KIAA1549: variants seen among roughly 807,000 people sequenced by gnomAD.
KIAA1549 encodes the protein UPF0606 protein KIAA1549.
Under a neutral mutation model 156.4 loss-of-function variants are expected in KIAA1549, and 70 were observed. The ratio of observed to expected loss-of-function variants is 0.45; its 90% confidence interval spans 0.37 to 0.55. The LOEUF is 0.55. KIAA1549 is among the 20% of genes least tolerant of loss of function. The pLI is 0.00. For missense variants in KIAA1549, 2,428 were observed against 2,540.9 expected, an observed-to-expected ratio of 0.96 and a Z score of 0.96; for synonymous variants, 1,103 against 1,066.4, an observed-to-expected ratio of 1.03 and a Z score of -0.67.
At chr7:138,896,583 T>G (rs1023975686) in intron 9 of KIAA1549, among the ~76,000 whole-genome samples, 21 of 151,444 alleles carry the variant, frequency 1.4e-4, no homozygotes, top group Non-Finnish European at 3.1e-4. Context: ...AGTTCTTTTG[T>G]GGGTGTGGTT....
intron 1 of KIAA1549, among the ~76,000 whole-genome samples, chr7:138,965,437 C>T (rs1813991202): frequency 1.3e-5 from 2 of 152,152 alleles, no homozygotes; most frequent in Non-Finnish European, 1.5e-5. Context: ...GCAATCCGCC[C>T]ACCTCAGCCT....
intron 13 of KIAA1549, 75 bp from the exon 14 acceptor site, chr7:138,869,836 CTTTA>C (rs1810875831): frequency 5.1e-6 from 5 of 989,038 alleles, no homozygotes; most frequent in Admixed American, 2.6e-5. Context: ...TTCGCAAAGT[CTTTA>C]TTTATTTTTA....
chr7:138,902,814 AAAAG>A (rs1053477951), intron 8 of KIAA1549, among the ~76,000 whole-genome samples: 4 of 152,148 alleles, frequency 2.6e-5, no homozygotes, highest in African/African-American at 9.7e-5. Context: ...GTCTCAAGAA[AAAAG>A]AAAGAAAGAA....
chr7:138,966,423 A>G (rs1167425881), intron 1 of KIAA1549, among the ~76,000 whole-genome samples: 1 of 152,100 alleles, frequency 6.6e-6, no homozygotes, highest in East Asian at 1.9e-4. Flanking sequence ...GGAGTTTATT[A>G]AGGAGTATTA....
chr7:138,879,436 A>AT, intron 12 of KIAA1549, 102 bp downstream of exon 12: 1 of 665,452 alleles, frequency 1.5e-6, no homozygotes, highest in Non-Finnish European at 2.5e-6. Context: ...CATTTCCCAG[A>AT]TTTCTTTTTT....
At chr7:138,869,875 A>T in intron 13 of KIAA1549, 114 bp from the exon 14 acceptor site, 5 of 782,204 alleles carry the variant, frequency 6.4e-6, no homozygotes, top group Non-Finnish European at 1.0e-5. Flanking sequence ...TTTGAGACAG[A>T]GTCTCACTCT....
chr7:138,869,475 C>A, intron 14 of KIAA1549, 63 bp downstream of exon 14: 2 of 1,310,472 alleles, frequency 1.5e-6, no homozygotes, highest in South Asian at 1.3e-5. Flanking sequence ...CTGTCCTGCT[C>A]CTGTGCCCCC....
rs1433583630 is a variant in KIAA1549 at position 138,897,889 on chromosome 7, T to C, written c.3847+1066A>G. Among the ~76,000 whole-genome samples, 19 of 64,028 alleles carry C rather than the reference T, an allele frequency of 3.0e-4. 1 individual carries two copies. The highest frequency in any genetic ancestry group is 4.4e-4 in the Admixed American group (2 of 4,518). 42.0% of individuals were successfully genotyped at this position (64,028 alleles called of 152,430 possible). ...GCCTGGGTGACAGAGCAAGACCCTTTCTCAAAAAAAAAAAAAAAAAAAAAA... is the reference window on the plus strand; with the variant it reads ...GCCTGGGTGACAGAGCAAGACCCTTCCTCAAAAAAAAAAAAAAAAAAAAAA... On this transcript the variant is annotated intron_variant, in intron 9 of 19. Coordinates refer to ENST00000422774, the MANE Select transcript of KIAA1549 (RefSeq NM_001164665.2).
At chr7:138,913,256 C>T (rs926375811) in intron 2 of KIAA1549, among the ~76,000 whole-genome samples, 2 of 152,132 alleles carry the variant, frequency 1.3e-5, no homozygotes, top group African/African-American at 4.8e-5. Flanking sequence ...GTCTCCTACC[C>T]CAATGTTTCA....
At chr7:138,941,475 G>A (rs1385482353) in intron 1 of KIAA1549, among the ~76,000 whole-genome samples, 1 of 152,206 alleles carries the variant, frequency 6.6e-6, no homozygotes, top group African/African-American at 2.4e-5. Context: ...CTTAAGACAC[G>A]ATGGTTAAAC....
chr7:138,882,634 T>A (rs977198089), intron 10 of KIAA1549, among the ~76,000 whole-genome samples: 1 of 152,098 alleles, frequency 6.6e-6, no homozygotes, highest in Non-Finnish European at 1.5e-5. Flanking sequence ...TCTAATAGTT[T>A]GGGGCTAAGA....
intron 12 of KIAA1549, among the ~76,000 whole-genome samples, chr7:138,878,960 G>A (rs769932188): frequency 1.3e-5 from 2 of 151,998 alleles, no homozygotes; most frequent in Non-Finnish European, 2.9e-5. Context: ...AGACTTGTGG[G>A]TCTCACTTTA....
chr7:138,890,110 C>T (rs1306901156), intron 10 of KIAA1549, among the ~76,000 whole-genome samples: 1 of 152,178 alleles, frequency 6.6e-6, no homozygotes, highest in Non-Finnish European at 1.5e-5. Context: ...TTTAACATAT[C>T]ACAGAGGGAA....
chr7:138,883,076 A>AC (rs1271149461), intron 10 of KIAA1549, among the ~76,000 whole-genome samples: 2 of 127,988 alleles, frequency 1.6e-5, no homozygotes, highest in African/African-American at 6.2e-5. Flanking sequence ...ACATGGTGAA[A>AC]CCCCATCTCC....
rs80263035 is a variant in KIAA1549 at position 138,974,045 on chromosome 7, G to C, written c.187+7038C>G. On this transcript the variant is annotated intron_variant, in intron 1 of 19. Coordinates refer to ENST00000422774, the MANE Select transcript of KIAA1549 (RefSeq NM_001164665.2). ...TTAACAGCAGTGGAGCACGAGCACT[G>C]ACAGTCGGAAAGGGAGCTATTCTAA... Among the ~76,000 whole-genome samples the C allele has an allele frequency of 3.7e-3, 559 of 152,356 alleles. 3 individuals carry two copies. Among genetic ancestry groups the C allele is most frequent in the African/African-American group, 0.013 (542 of 41,580 alleles).
rs1389685509 is a variant in KIAA1549, at chr7:138,981,167, G to C, written c.103C>G (p.Arg35Gly). 1 of 1,173,572 alleles carries C rather than the reference G, an allele frequency of 8.5e-7. No homozygotes were observed. The highest frequency in any genetic ancestry group is 1.1e-6 in the Non-Finnish European group (1 of 950,824). The allele number at this position is 1,173,572 out of a possible 1,614,324, so 72.7% of individuals were successfully genotyped here. A position where few individuals can be genotyped will look rare whatever the true frequency, so the allele number is the denominator to read the frequency against. ...CCCGGGCGGCGGCGGCGGGCGCAGC[G>C]GGCGGAAGGCCGTCGGCCGCTCGGC... is the stretch of plus-strand genomic sequence containing the variant. ...PGPSGRRPSA[R>G]CARRRRPGLL... The change falls in exon 1 of 20, where the codon CGC becomes GGC. Residue 35 changes from arginine to glycine, a missense_variant. Arg to Gly is a moderately radical substitution (Grantham distance 125). This residue lies in a region of KIAA1549 where 893 missense variants were observed against 847.9 expected (regional missense o/e 1.05). Transcript: ENST00000422774. The surrounding 1 kb of genome is among the most constrained non-coding windows in gnomAD (Gnocchi z 4.5).
chr7:138,917,365 T>C lies in KIAA1549; in HGVS notation c.2261A>G (p.Tyr754Cys), dbSNP rs751247718. Residue 754 changes from tyrosine (Y) to cysteine (C), a missense_variant, in exon 2 of 20, where the codon TAT becomes TGT. Tyr to Cys is a radical substitution (Grantham distance 194). This residue lies in a region of KIAA1549 where 762 missense variants were observed against 901.6 expected (regional missense o/e 0.85). Transcript: ENST00000422774. ...ATGGGAAATGAGTGAAGACTCAAGA[T>C]AGGAGGTAGTTTCAATGAAAGCTGA... The part of the protein sequence containing the change: ...FTSAFIETTS[Y>C]LESSLISHES... 6.2e-7 allele frequency: 1 copy of C among 1,613,868 alleles called. No individual in the cohort carries two copies. Among genetic ancestry groups the C allele is most frequent in the Non-Finnish European group, 8.5e-7 (1 of 1,179,822 alleles).
chr7:138,894,446 G>A lies in KIAA1549; in HGVS notation c.3928C>T (p.Leu1310=), dbSNP rs377097891. The part of the protein sequence containing the change: ...WVIVGVVIPV[L]VVMVIVVILY... ...ATGACAACAATCACCATCACCACCAGCACTGGGATGACCACGCCAACAATG... is the reference window on the plus strand; with the variant it reads ...ATGACAACAATCACCATCACCACCAACACTGGGATGACCACGCCAACAATG... The change falls in exon 10 of 20, where the codon CTG becomes TTG. Residue 1310 remains leucine (L), a synonymous_variant. Coordinates refer to ENST00000422774, the MANE Select transcript of KIAA1549 (RefSeq NM_001164665.2). 6.2e-5 allele frequency: 100 copies of A among 1,614,006 alleles called. No homozygotes were observed. The highest frequency in any genetic ancestry group is 8.3e-5 in the Non-Finnish European group (98 of 1,179,880).
rs577122046 is a variant in KIAA1549, at chr7:138,942,040, G to A, written c.188-22602C>T. ...TGTGGCCAATAGCCACCCTCTCCCA[G>A]GTGCTATGATCCATTATCCTTCTCA... is the stretch of plus-strand genomic sequence containing the variant. On this transcript the variant is annotated intron_variant, in intron 1 of 19. Coordinates refer to ENST00000422774, the MANE Select transcript of KIAA1549 (RefSeq NM_001164665.2). Among the ~76,000 whole-genome samples the A allele has an allele frequency of 3.3e-5, 5 of 152,192 alleles. 1 individual carries two copies. In the South Asian group the frequency reaches 1.0e-3, roughly 32 times the overall value.
Sources: gnomAD v4.1 joint callset for allele counts (sites outside exome capture counted in the v4.1 genomes callset) on GRCh38, gnomAD v4.1.1 for gene constraint, gnomAD v4.1.1 regional missense constraint, Gnocchi (gnomAD v3.1) non-coding constraint, MANE v1.5 for transcripts, NCBI Gene and HGNC (gene_info 2026-07-23, HGNC 2026-07-21) for gene names.